Variants in LRFN5 observed in about 807,000 individuals in gnomAD.
LRFN5 encodes leucine-rich repeat and fibronectin type-III domain-containing protein 5.
In LRFN5, 24 loss-of-function variants were observed where a neutral mutation model predicts 45.6. The observed-to-expected ratio is 0.53, with a 90% confidence interval of 0.38 to 0.74. The LOEUF (loss-of-function observed/expected upper bound fraction) is 0.74, where lower values mean the gene tolerates loss of function less well. Among genes scored for constraint, LRFN5 ranks in the 30% least tolerant of loss-of-function variants. The pLI, the probability that LRFN5 is intolerant of heterozygous loss-of-function variation, is 0.00. For missense variants in LRFN5, 776 were observed against 861.5 expected (o/e 0.90, Z 1.24); for synonymous variants, 340 against 313.8 (o/e 1.08, Z -0.88).
chr14:41,724,861 T>C (rs898155597), intron 1 of LRFN5, among the ~76,000 whole-genome samples: 1 of 152,200 alleles, frequency 6.6e-6, no homozygotes, highest in African/African-American at 2.4e-5. Flanking sequence ...TTTCCTACTG[T>C]TTGAACTTTC....
intron 2 of LRFN5, among the ~76,000 whole-genome samples, chr14:41,772,147 A>G (rs1886113186): frequency 6.6e-6 from 1 of 152,070 alleles, no homozygotes; most frequent in Non-Finnish European, 1.5e-5. Context: ...TTTTCAAACA[A>G]CCAGATCTTG....
chr14:41,752,962 CCAGTTT>C (rs1885204405), intron 1 of LRFN5, among the ~76,000 whole-genome samples: 2 of 152,156 alleles, frequency 1.3e-5, no homozygotes. Context: ...AGGAAGGGAT[CCAGTTT>C]CAGCTTTCTA....
intron 2 of LRFN5, among the ~76,000 whole-genome samples, chr14:41,822,725 T>C (rs375529458): frequency 6.6e-6 from 1 of 152,008 alleles, no homozygotes; most frequent in Non-Finnish European, 1.5e-5. Flanking sequence ...ACGGTCTCTC[T>C]AGTGCATCAG....
intron 1 of LRFN5, among the ~76,000 whole-genome samples, chr14:41,712,440 C>G (rs1252565669): frequency 6.6e-6 from 1 of 152,060 alleles, no homozygotes; most frequent in African/African-American, 2.4e-5. Flanking sequence ...GTAAAACGTT[C>G]TGAATTTTGC....
At chr14:41,681,836 TG>T (rs1881908929) in intron 1 of LRFN5, among the ~76,000 whole-genome samples, 2 of 63,946 alleles carry the variant, frequency 3.1e-5, no homozygotes, top group South Asian at 1.3e-3. Context: ...TTTTTTTTTT[TG>T]TGATGGAGTC....
At chr14:41,635,419 A>G (rs1260913316) in intron 1 of LRFN5, among the ~76,000 whole-genome samples, 2 of 152,276 alleles carry the variant, frequency 1.3e-5, no homozygotes, top group East Asian at 1.9e-4. Context: ...CAAGTGTCAT[A>G]ATTTTGAGTC....
At chr14:41,782,564 C>T (rs1391789203) in intron 2 of LRFN5, among the ~76,000 whole-genome samples, 1 of 152,116 alleles carries the variant, frequency 6.6e-6, no homozygotes, top group Admixed American at 6.6e-5. Context: ...AACTGTTTCT[C>T]TTGCCTGTTG....
chr14:41,759,436 A>G (rs1004324414), intron 1 of LRFN5, among the ~76,000 whole-genome samples: 3 of 140,002 alleles, frequency 2.1e-5, no homozygotes, highest in Middle Eastern at 6.8e-3. Context: ...TATAAAGTAT[A>G]TTCTCTCTCT....
At chr14:41,755,557 A>G (rs1333851606) in intron 1 of LRFN5, among the ~76,000 whole-genome samples, 7 of 152,106 alleles carry the variant, frequency 4.6e-5, no homozygotes, top group African/African-American at 1.7e-4. Flanking sequence ...GTTGGTTTAA[A>G]GTCTGTTTTA....
chr14:41,865,603 A>G (rs1247638171), intron 2 of LRFN5, among the ~76,000 whole-genome samples: 5 of 152,194 alleles, frequency 3.3e-5, no homozygotes, highest in African/African-American at 9.6e-5. Flanking sequence ...ATGTTAAGTC[A>G]TATGGTAACC....
At chr14:41,635,157 A>G (rs1017096612) in intron 1 of LRFN5, among the ~76,000 whole-genome samples, 1 of 152,114 alleles carries the variant, frequency 6.6e-6, no homozygotes, top group Non-Finnish European at 1.5e-5. Context: ...TTTGATTTAT[A>G]GTGAATCTGG....
intron 2 of LRFN5, among the ~76,000 whole-genome samples, chr14:41,768,088 C>T (rs1313475901): frequency 6.6e-6 from 1 of 152,034 alleles, no homozygotes; most frequent in Non-Finnish European, 1.5e-5. Context: ...TTAAAATTTT[C>T]TTGAAGTGAA....
Position 41,730,306 on chromosome 14 carries a change from C to A in LRFN5, c.-196-36548C>A, listed in dbSNP as rs555248506. On this transcript the variant is annotated intron_variant, in intron 1 of 5. Transcript: ENST00000298119. The stretch of plus-strand genomic sequence containing the variant: ...AGGTCCTTATCATTTATCACCCCTA[C>A]AGTAAATATTGAACAAAACAACCAT... 2.0e-5 allele frequency among the ~76,000 whole-genome samples: 3 copies of A among 152,126 alleles called. No individual in the cohort carries two copies. The East Asian group carries it at 5.8e-4, about 29-fold the overall frequency.
At chr14:41,826,565 T>C (rs775565461) in intron 2 of LRFN5, among the ~76,000 whole-genome samples, 13 of 152,188 alleles carry the variant, frequency 8.5e-5, no homozygotes, top group Admixed American at 2.6e-4. Context: ...AGTCTCTCTG[T>C]TGGTCCAATA....
At chr14:41,711,840 G>A (rs1441894804) in intron 1 of LRFN5, among the ~76,000 whole-genome samples, 3 of 152,112 alleles carry the variant, frequency 2.0e-5, no homozygotes, top group Non-Finnish European at 2.9e-5. Flanking sequence ...CTTAGATTTT[G>A]GAATGATAAT....
At chr14:41,778,182 A>G (rs1371743566) in intron 2 of LRFN5, among the ~76,000 whole-genome samples, 1 of 151,774 alleles carries the variant, frequency 6.6e-6, no homozygotes, top group Non-Finnish European at 1.5e-5. Flanking sequence ...GAAAATAAAT[A>G]TTTGATTCCC....
At chr14:41,776,479 T>C (rs1886297300) in intron 2 of LRFN5, among the ~76,000 whole-genome samples, 1 of 152,180 alleles carries the variant, frequency 6.6e-6, no homozygotes, top group Non-Finnish European at 1.5e-5. Context: ...TTTAATATAA[T>C]GACACAGTTA....
intron 4 of LRFN5, 33 bp downstream of exon 4, chr14:41,891,995 G>A (rs1350971552): frequency 1.3e-6 from 2 of 1,597,676 alleles, no homozygotes; most frequent in Non-Finnish European, 8.5e-7. Flanking sequence ...TGAGAGATCC[G>A]GAGCAAGGCA....
Position 41,752,793 on chromosome 14 carries a change from G to T in LRFN5, c.-196-14061G>T, listed in dbSNP as rs1441229148. On this transcript the variant is annotated intron_variant, in intron 1 of 5. Coordinates refer to ENST00000298119, the MANE Select transcript of LRFN5 (RefSeq NM_152447.5). ...AATTAGATCCCATTTGTCAATTTGG[G>T]CTTTTGTTGCCATTGCTTTTTGTGT... Among the ~76,000 whole-genome samples the T allele has an allele frequency of 2.6e-5, 4 of 152,198 alleles. No homozygotes were observed. The South Asian group carries it at 8.3e-4, about 32-fold the overall frequency.
Sources: allele counts gnomAD v4.1 joint callset (sites outside exome capture counted in the v4.1 genomes callset), GRCh38; gene constraint gnomAD v4.1.1; transcripts MANE v1.5; gene names NCBI Gene and HGNC (gene_info 2026-07-23, HGNC 2026-07-21).